Variants in IGDCC3 observed in about 807,000 individuals in gnomAD.
IGDCC3 encodes putative neuronal cell adhesion molecule.
A neutral mutation model predicts 72.0 loss-of-function variants in IGDCC3; 47 were observed. That is an observed-to-expected ratio of 0.65 (90% CI 0.52 to 0.83). The LOEUF (loss-of-function observed/expected upper bound fraction) is 0.83, where lower values mean the gene tolerates loss of function less well. Among genes scored for constraint, IGDCC3 ranks in the 40% least tolerant of loss-of-function variants. The probability of loss-of-function intolerance (pLI) is 0.00; values close to 1 mark genes in which losing one functional copy is unlikely to be tolerated. For missense variants in IGDCC3, 1,038 were observed against 1,091.3 expected (o/e 0.95, Z 0.69); for synonymous variants, 477 against 472.8 (o/e 1.01, Z -0.11).
chr15:65,330,191 G>A, intron 11 of IGDCC3, 102 bp downstream of exon 11: 1 of 874,858 alleles, frequency 1.1e-6, no homozygotes, highest in South Asian at 1.5e-5. Context: ...GCTTCAAACT[G>A]TGGTCTAAGC....
chr15:65,331,800 G>T, intron 7 of IGDCC3, 141 bp from the exon 8 acceptor site: 1 of 1,368,262 alleles, frequency 7.3e-7, no homozygotes, highest in Non-Finnish European at 9.9e-7. Flanking sequence ...TGGTGGAACT[G>T]GGACTCCACC....
At chr15:65,376,194 A>G (rs1180844965) in intron 1 of IGDCC3, among the ~76,000 whole-genome samples, 1 of 152,242 alleles carries the variant, frequency 6.6e-6, no homozygotes, top group Non-Finnish European at 1.5e-5. Context: ...CCCAAAACCA[A>G]GGAAGAGGGT....
At chr15:65,352,262 T>C (rs2091179493) in intron 2 of IGDCC3, among the ~76,000 whole-genome samples, 1 of 152,234 alleles carries the variant, frequency 6.6e-6, no homozygotes, top group African/African-American at 2.4e-5. Context: ...GGAACATATT[T>C]GTTTCTTTCT....
intron 6 of IGDCC3, among the ~76,000 whole-genome samples, chr15:65,333,012 T>C (rs926134736): frequency 9.1e-5 from 2 of 22,010 alleles, no homozygotes; most frequent in Non-Finnish European, 3.7e-4. Context: ...TGGAGGGGTA[T>C]TGACGGACCC....
intron 5 of IGDCC3, among the ~76,000 whole-genome samples, chr15:65,333,837 T>C (rs776893723): frequency 2.6e-5 from 4 of 152,168 alleles, no homozygotes; most frequent in Non-Finnish European, 4.4e-5. Context: ...TTAACTTTGT[T>C]TCCCAAACTT....
chr15:65,359,832 G>A (rs2091249151), intron 2 of IGDCC3, among the ~76,000 whole-genome samples: 1 of 152,168 alleles, frequency 6.6e-6, no homozygotes, highest in Non-Finnish European at 1.5e-5. Context: ...GAAGCCTGCT[G>A]AGAAAGGCTT....
Position 65,351,533 on chromosome 15 carries a change from C to CAA in IGDCC3, c.410-15579_410-15578dup, listed in dbSNP as rs59065889. ...TGGGCGACAGAGTGAGACTCCGTCT[C>CAA]AAAAAAAAAAAAAAAAGAATCTTAC... On this transcript the variant is annotated intron_variant, in intron 2 of 13. Coordinates refer to ENST00000327987, the MANE Select transcript of IGDCC3 (RefSeq NM_004884.4). 6.3e-3 allele frequency among the ~76,000 whole-genome samples: 669 copies of CAA among 106,116 alleles called. 3 individuals are homozygous for CAA. The highest frequency in any genetic ancestry group is 0.01 in the Non-Finnish European group (534 of 51,334). 69.6% of individuals were successfully genotyped at this position (106,116 alleles called of 152,430 possible).
intron 2 of IGDCC3, among the ~76,000 whole-genome samples, chr15:65,344,719 CCTG>C (rs2091111926): frequency 6.6e-6 from 1 of 152,156 alleles, no homozygotes; most frequent in South Asian, 2.1e-4. Flanking sequence ...CGCTTAAAGC[CCTG>C]CTTTTAATTA....
Position 65,375,182 on chromosome 15 carries a change from G to T in IGDCC3, c.324C>A (p.Ser108Arg). The change falls in exon 2 of 14, where the codon AGC becomes AGA. Residue 108 changes from serine (S) to arginine (R), a missense_variant. Transcript: ENST00000327987. ...ACTCATAGTCACCTTCATCCGAAGGGCTGCCTCCCGGCTCCAGCCTGAAGT... is the reference window on the plus strand; with the variant it reads ...ACTCATAGTCACCTTCATCCGAAGGTCTGCCTCCCGGCTCCAGCCTGAAGT... ...IRHFRLEPGG[S>R]PSDEGDYECV... 1.2e-6 allele frequency: 2 copies of T among 1,614,210 alleles called. No individual in the cohort carries two copies. The highest frequency in any genetic ancestry group is 1.7e-6 in the Non-Finnish European group (2 of 1,180,040).
In IGDCC3 at chr15:65,331,637, C is replaced by T. The variant is rs201766054; in HGVS notation, c.1171G>A (p.Gly391Ser). ...TGATAAATGGCTTCATCCTCAGGAC[C>T]GATTCCAGAAATGGTCAGTGTGCTG... ...NNSTLTISGI[G>S]PEDEAIYQCV... is the part of the protein sequence containing the mutation. Residue 391 changes from glycine to serine, a missense_variant, in exon 8 of 14, where the codon GGT becomes AGT. Gly to Ser is a moderately conservative substitution (Grantham distance 56). Coordinates refer to ENST00000327987, the MANE Select transcript of IGDCC3 (RefSeq NM_004884.4). 9.3e-6 allele frequency: 15 copies of T among 1,608,604 alleles called. No homozygotes were observed. The highest frequency in any genetic ancestry group is 8.0e-5 in the African/African-American group (6 of 74,820).
chr15:65,334,565 G>C, intron 5 of IGDCC3, 163 bp downstream of exon 5: 1 of 678,348 alleles, frequency 1.5e-6, no homozygotes, highest in South Asian at 2.1e-5. Context: ...CCTTCCAGGA[G>C]AGGGAAACTT....
chr15:65,356,415 G>C (rs1329079720), intron 2 of IGDCC3: 1 of 152,246 alleles, frequency 6.6e-6, no homozygotes, highest in African/African-American at 2.4e-5. Context: ...TCAGAATTTG[G>C]ATTTAATGTC....
At chr15:65,330,976 A>G in intron 9 of IGDCC3, 74 bp downstream of exon 9, 1 of 1,530,440 alleles carries the variant, frequency 6.5e-7, no homozygotes, top group Non-Finnish European at 8.9e-7. Context: ...CAACCAGAAC[A>G]AGTGTGCATG....
intron 11 of IGDCC3, among the ~76,000 whole-genome samples, 192 bp downstream of exon 11, chr15:65,330,101 C>T (rs150795754): frequency 1.3e-5 from 2 of 152,300 alleles, no homozygotes; most frequent in Non-Finnish European, 2.9e-5. Flanking sequence ...GTACTATTAT[C>T]CCTGTATTAT....
intron 2 of IGDCC3, among the ~76,000 whole-genome samples, chr15:65,347,134 T>A (rs2091131065): frequency 2.0e-5 from 3 of 152,144 alleles, no homozygotes; most frequent in Admixed American, 2.0e-4. Context: ...CTCCCTCACC[T>A]CCCGGAAGGG....
intron 3 of IGDCC3, 132 bp from the exon 4 acceptor site, chr15:65,335,553 G>A: frequency 3.0e-6 from 3 of 1,012,432 alleles, no homozygotes; most frequent in Non-Finnish European, 3.0e-6. Context: ...ACACACACTG[G>A]GACTTTCAAA....
intron 2 of IGDCC3, among the ~76,000 whole-genome samples, chr15:65,351,416 C>T (rs1735933379): frequency 1.3e-5 from 2 of 151,978 alleles, no homozygotes; most frequent in Non-Finnish European, 2.9e-5. Flanking sequence ...TGCCTGTAGT[C>T]CCAGCTACTT....
At chr15:65,368,156 T>TCACA (rs1396286128) in intron 2 of IGDCC3, among the ~76,000 whole-genome samples, 1 of 53,398 alleles carries the variant, frequency 1.9e-5, no homozygotes, top group Admixed American at 2.4e-4. Flanking sequence ...TCTCTCTCTT[T>TCACA]CACTCACACA....
intron 3 of IGDCC3, 149 bp from the exon 4 acceptor site, chr15:65,335,570 C>T (rs2091020988): frequency 2.1e-6 from 2 of 937,840 alleles, no homozygotes; most frequent in Admixed American, 2.2e-5. Flanking sequence ...CAAAGGTGGA[C>T]ACACCCTCAA....
Sources: allele counts gnomAD v4.1 joint callset (sites outside exome capture counted in the v4.1 genomes callset), GRCh38; gene constraint gnomAD v4.1.1; transcripts MANE v1.5; gene names NCBI Gene and HGNC (gene_info 2026-07-23, HGNC 2026-07-21).